The following CHRM2 variants were observed in gnomAD, a reference collection of about 807,000 sequenced individuals.
CHRM2 encodes the protein muscarinic acetylcholine receptor M2.
Under a neutral mutation model 25.0 loss-of-function variants are expected in CHRM2, and 8 were observed. That is an observed-to-expected ratio of 0.32 (90% confidence interval 0.19 to 0.58). The LOEUF (loss-of-function observed/expected upper bound fraction) is 0.58. Among genes scored for constraint, CHRM2 ranks in the 20% least tolerant of loss-of-function variants. The probability of loss-of-function intolerance (pLI) is 0.88; values close to 1 mark genes in which losing one functional copy is unlikely to be tolerated. For synonymous variants in CHRM2, 202 were observed against 205.7 expected (o/e 0.98, Z 0.15); for missense variants, 440 against 567.1 (o/e 0.78, Z 2.28).
rs113290455 is a variant in CHRM2, at chr7:136,946,047, T to A, written c.-124-46140T>A. Among the ~76,000 whole-genome samples the A allele has an allele frequency of 8.5e-5, 13 of 152,280 alleles. 1 individual carries two copies. Among genetic ancestry groups the A allele is most frequent in the African/African-American group, 2.9e-4 (12 of 41,574 alleles). On this transcript the variant is annotated intron_variant, in intron 2 of 3. Coordinates refer to ENST00000680005, the MANE Select transcript of CHRM2 (RefSeq NM_001006630.2). ...GCCAGGCAGAGATTCTTGTCCCGGC[T>A]TTGCTCCTAGCTAAATTCACATCAT... is the stretch of plus-strand genomic sequence containing the variant.
intron 2 of CHRM2, among the ~76,000 whole-genome samples, chr7:136,949,581 T>C (rs1410838648): frequency 6.6e-6 from 1 of 152,040 alleles, no homozygotes; most frequent in African/African-American, 2.4e-5. Context: ...TAAGTTATGA[T>C]TGTGCCACTG....
chr7:136,999,961 A>G (rs1803874995), intron 3 of CHRM2, among the ~76,000 whole-genome samples: 1 of 151,698 alleles, frequency 6.6e-6, no homozygotes, highest in African/African-American at 2.4e-5. Context: ...GCAAAGCTAT[A>G]CAATTCACCT....
At chr7:136,926,897 T>A (rs1203315960) in intron 2 of CHRM2, among the ~76,000 whole-genome samples, 1 of 152,220 alleles carries the variant, frequency 6.6e-6, no homozygotes, top group Non-Finnish European at 1.5e-5. Context: ...AACCAAGCCA[T>A]GCTGCCTAAA....
Position 137,015,673 on chromosome 7 carries a change from G to A in CHRM2, c.808G>A (p.Val270Met), listed in dbSNP as rs1805129123. 6.2e-7 allele frequency: 1 copy of A among 1,612,988 alleles called. No individual in the cohort carries two copies. The highest frequency in any genetic ancestry group is 1.3e-5 in the African/African-American group (1 of 74,808). ...IQNGKAPRDP[V>M]TENCVQGEEK... ...GAATGGCAAAGCCCCCAGGGATCCT[G>A]TGACTGAAAACTGTGTTCAGGGAGA... Residue 270 changes from valine to methionine, a missense_variant, in exon 4 of 4, where the codon GTG becomes ATG. Val to Met is a conservative substitution (Grantham distance 21). Around this residue, in one of 5 missense-constraint regions of CHRM2, gnomAD observed 261 missense variants for 261.8 expected, o/e 1.00. Coordinates refer to ENST00000680005, the MANE Select transcript of CHRM2 (RefSeq NM_001006630.2). The surrounding 1 kb of genome is among the most constrained non-coding windows in gnomAD (Gnocchi z 5.1).
intron 2 of CHRM2, among the ~76,000 whole-genome samples, chr7:136,940,322 G>A (rs913068525): frequency 2.6e-5 from 4 of 152,176 alleles, no homozygotes; most frequent in Non-Finnish European, 4.4e-5. Flanking sequence ...GTATACTCGC[G>A]TTGAACAGAT....
chr7:136,939,663 G>A (rs1342271856), intron 2 of CHRM2, among the ~76,000 whole-genome samples: 1 of 151,962 alleles, frequency 6.6e-6, no homozygotes, highest in Non-Finnish European at 1.5e-5. Context: ...AAGTATAGTG[G>A]GACTTACTCT....
chr7:136,927,352 G>T (rs777181099), intron 2 of CHRM2, among the ~76,000 whole-genome samples: 1 of 152,068 alleles, frequency 6.6e-6, no homozygotes, highest in Non-Finnish European at 1.5e-5. Flanking sequence ...TAGATAAATT[G>T]TTGAGCTTCT....
At chr7:136,994,790 T>G (rs1338333364) in intron 3 of CHRM2, among the ~76,000 whole-genome samples, 1 of 151,930 alleles carries the variant, frequency 6.6e-6, no homozygotes, top group Non-Finnish European at 1.5e-5. Flanking sequence ...TAGCTTAAAT[T>G]ATTTGATAAA....
At chr7:136,928,083 G>A (rs1798850811) in intron 2 of CHRM2, among the ~76,000 whole-genome samples, 1 of 152,082 alleles carries the variant, frequency 6.6e-6, no homozygotes, top group Non-Finnish European at 1.5e-5. Flanking sequence ...GAGTGGATTG[G>A]GAAAGGGACA....
intron 2 of CHRM2, among the ~76,000 whole-genome samples, chr7:136,901,329 C>T (rs1271565552): frequency 6.6e-6 from 1 of 152,088 alleles, no homozygotes; most frequent in Non-Finnish European, 1.5e-5. Flanking sequence ...CAGATTGAGA[C>T]AGTTCAGATT....
intron 2 of CHRM2, among the ~76,000 whole-genome samples, chr7:136,893,355 A>C (rs2130572432): frequency 6.6e-6 from 1 of 152,334 alleles, no homozygotes; most frequent in South Asian, 2.1e-4. Flanking sequence ...AAATCTGGAA[A>C]GACTCGCTAG....
intron 3 of CHRM2, among the ~76,000 whole-genome samples, chr7:136,994,593 C>T (rs1227304739): frequency 1.5e-5 from 2 of 137,450 alleles, no homozygotes; most frequent in Admixed American, 7.9e-5. Context: ...TGCAATGGCA[C>T]GATCTCGGCT....
chr7:136,944,185 C>T (rs1312880155), intron 2 of CHRM2, among the ~76,000 whole-genome samples: 2 of 152,032 alleles, frequency 1.3e-5, no homozygotes, highest in Non-Finnish European at 2.9e-5. Flanking sequence ...TTGGTGCACC[C>T]AATACCCAAG....
chr7:136,961,068 C>T (rs894454458), intron 2 of CHRM2, among the ~76,000 whole-genome samples: 16 of 151,956 alleles, frequency 1.1e-4, no homozygotes, highest in Admixed American at 2.6e-4. Context: ...GAGATTGCAG[C>T]GAGCCAAGAT....
At chr7:137,002,226 T>C (rs1026553814) in intron 3 of CHRM2, among the ~76,000 whole-genome samples, 2 of 152,336 alleles carry the variant, frequency 1.3e-5, no homozygotes. Context: ...TTTAAAAAGT[T>C]GTTTATTTGA....
chr7:136,971,905 G>A (rs1167216332), intron 2 of CHRM2, among the ~76,000 whole-genome samples: 1 of 151,936 alleles, frequency 6.6e-6, no homozygotes, highest in Non-Finnish European at 1.5e-5. Flanking sequence ...TATTTTTGGT[G>A]CTAATCTCTA....
chr7:136,876,506 CAT>C (rs1796057542), intron 2 of CHRM2, among the ~76,000 whole-genome samples: 1 of 152,068 alleles, frequency 6.6e-6, no homozygotes, highest in African/African-American at 2.4e-5. Context: ...TATTTTATTG[CAT>C]AGTGTGCAAC....
chr7:137,010,978 A>G (rs1023519420), intron 3 of CHRM2, among the ~76,000 whole-genome samples: 8 of 151,982 alleles, frequency 5.3e-5, no homozygotes, highest in African/African-American at 1.7e-4. Context: ...TTTACTCATT[A>G]GCTTTGTGAT....
chr7:137,005,203 C>T (rs185705029), intron 3 of CHRM2, among the ~76,000 whole-genome samples: 39 of 152,104 alleles, frequency 2.6e-4, no homozygotes, highest in East Asian at 2.3e-3. Context: ...TTTTAAGAGG[C>T]GATGACTAAT....
Sources: gnomAD v4.1 joint callset for allele counts (sites outside exome capture counted in the v4.1 genomes callset) on GRCh38, gnomAD v4.1.1 for gene constraint, gnomAD v4.1.1 regional missense constraint, Gnocchi (gnomAD v3.1) non-coding constraint, MANE v1.5 for transcripts, NCBI Gene and HGNC (gene_info 2026-07-23, HGNC 2026-07-21) for gene names.